FMNL3: variants seen among roughly 807,000 people sequenced by gnomAD.
FMNL3 encodes formin like 3, also known as formin-like protein 3.
FMNL3 carries 57 observed loss-of-function variants against 119.6 expected under a neutral mutation model. The observed-to-expected ratio is 0.48, with a 90% CI of 0.39 to 0.59. FMNL3 has a LOEUF of 0.59. Among genes scored for constraint, FMNL3 ranks in the 20% least tolerant of loss-of-function variants. The probability of loss-of-function intolerance (pLI) is 0.00; values close to 1 mark genes in which losing one functional copy is unlikely to be tolerated. For synonymous variants in FMNL3, 491 were observed against 507.3 expected, an observed-to-expected ratio of 0.97 and a Z score of 0.43; for missense variants, 1,053 against 1,323.5, an observed-to-expected ratio of 0.80 and a Z score of 3.17.
chr12:49,649,553 G>T lies in FMNL3; in HGVS notation c.2236-15C>A. On this transcript the variant is annotated splice_polypyrimidine_tract_variant and intron_variant, in intron 18 of 25. Transcript: ENST00000335154. This position sits in a 1 kb window ranked among gnomAD's most constrained non-coding sequence, Gnocchi z 5.6. ...GCATTGAGTTGCTGTAGGACAATAT[G>T]AACACTGAAGTAACCCCAGGCTGAG... The T allele has an allele frequency of 6.2e-7, 1 of 1,614,050 alleles. No homozygotes were observed. Among genetic ancestry groups the T allele is most frequent in the South Asian group, 1.1e-5 (1 of 90,960 alleles).
chr12:49,701,010 T>C (rs1592701910), intron 1 of FMNL3, among the ~76,000 whole-genome samples: 1 of 136,960 alleles, frequency 7.3e-6, no homozygotes, highest in Non-Finnish European at 1.5e-5. Flanking sequence ...ACCCAGGAGA[T>C]GGAGGTTGCA....
chr12:49,636,939 G>C lies in FMNL3; in HGVS notation c.*8876C>G. ...TTCCCTGCCCCCTTCTGGATACGCT[G>C]CCTGTTCTTTCTGTGCCTAGCCCTG... On this transcript the variant is annotated 3_prime_UTR_variant, in exon 26 of 26. Coordinates refer to ENST00000335154, the MANE Select transcript of FMNL3 (RefSeq NM_175736.5). 6.3e-7 allele frequency: 1 copy of C among 1,581,130 alleles called. No individual in the cohort carries two copies. The highest frequency in any genetic ancestry group is 2.2e-5 in the East Asian group (1 of 44,598).
intron 2 of FMNL3, 151 bp downstream of exon 2, chr12:49,668,320 C>T: frequency 1.4e-6 from 1 of 702,992 alleles, no homozygotes; most frequent in South Asian, 1.8e-5. Flanking sequence ...TATGAGAATC[C>T]TCTTGGAAAA....
chr12:49,655,026 C>T, intron 9 of FMNL3, 42 bp from the exon 10 acceptor site: 1 of 1,593,128 alleles, frequency 6.3e-7, no homozygotes, highest in Admixed American at 1.7e-5. Context: ...CTGCTCCATG[C>T]AGAACCCAAG....
rs562575357 is a variant in FMNL3 at position 49,653,101 on chromosome 12, T to C, written c.1323+125A>G. 228 of 868,540 alleles carry C rather than the reference T, an allele frequency of 2.6e-4. 3 individuals are homozygous for C. The South Asian group carries it at 3.4e-3, about 13-fold the overall frequency. The allele number at this position is 868,540 out of a possible 1,614,324, so 53.8% of individuals were successfully genotyped here. A position where few individuals can be genotyped will look rare whatever the true frequency, so the allele number is the denominator to read the frequency against. Reference sequence around the variant, plus strand: ...AATCATCAGCCCACCCACACCTGAGTACCTCAAGGGTGAATCAAGATCTAA... The same window carrying C: ...AATCATCAGCCCACCCACACCTGAGCACCTCAAGGGTGAATCAAGATCTAA... On this transcript the variant is annotated intron_variant, in intron 13 of 25. Coordinates refer to ENST00000335154, the MANE Select transcript of FMNL3 (RefSeq NM_175736.5).
rs1170783086 is a variant in FMNL3, at chr12:49,650,693, G to T, written c.1983C>A (p.Ile661=). ...AGCCTCACGTATGAATGGCCCTGCAGATCTCCTCAGCCGAGCGGCCAGCCT... is the reference window on the plus strand; with the variant it reads ...AGCCTCACGTATGAATGGCCCTGCATATCTCCTCAGCCGAGCGGCCAGCCT... ...LRKAGRSAEE[I]CRAIHTFDLQ... is the part of the protein sequence containing the mutation. The change falls in exon 17 of 26, where the codon ATC becomes ATA. Residue 661 remains isoleucine (I), a synonymous_variant. Transcript: ENST00000335154. 1.9e-6 allele frequency: 3 copies of T among 1,613,386 alleles called. No homozygotes were observed. Among genetic ancestry groups the T allele is most frequent in the Non-Finnish European group, 2.5e-6 (3 of 1,180,032 alleles).
Position 49,637,157 on chromosome 12 carries a change from T to G in FMNL3, c.*8658A>C. On this transcript the variant is annotated 3_prime_UTR_variant, in exon 26 of 26. Transcript: ENST00000335154. ...GGTGGGGCACCCGACAGGCAGAGTT[T>G]ATTCCCTCAGCTTGGGGGTGGCAGT... 1.7e-6 allele frequency: 1 copy of G among 574,076 alleles called. No individual in the cohort carries two copies. Among genetic ancestry groups the G allele is most frequent in the Non-Finnish European group, 3.1e-6 (1 of 322,998 alleles). The allele number at this position is 574,076 out of a possible 1,614,324, so 35.6% of individuals were successfully genotyped here.
intron 17 of FMNL3, 139 bp from the exon 18 acceptor site, chr12:49,650,064 C>T (rs1943347462): frequency 2.6e-5 from 18 of 681,684 alleles, no homozygotes; most frequent in Non-Finnish European, 4.5e-5. Flanking sequence ...CCCATTGCAT[C>T]ATCTGTCACA....
rs1942448904 is a variant in FMNL3 at position 49,640,345 on chromosome 12, C to A, written c.*5470G>T. ...TGAAGGATGAGATTGCGAGGGAGTA[C>A]AGATTGGGTAGTGAAAGAGGACTAA... On this transcript the variant is annotated 3_prime_UTR_variant, in exon 26 of 26. Coordinates refer to ENST00000335154, the MANE Select transcript of FMNL3 (RefSeq NM_175736.5). 6.6e-6 allele frequency: 1 copy of A among 152,146 alleles called. No individual in the cohort carries two copies. Among genetic ancestry groups the A allele is most frequent in the Non-Finnish European group, 1.5e-5 (1 of 68,040 alleles). 9.4% of individuals were successfully genotyped at this position (152,146 alleles called of 1,614,324 possible).
At position 49,638,160 on chromosome 12, in the gene FMNL3, G is replaced by C. The variant is rs1942103734; in HGVS notation, c.*7655C>G. ...GTGTACACGGGGTACTAAGAGCAAA[G>C]GCAAGGGGGTGGAAAGGGCATGCCA... On this transcript the variant is annotated 3_prime_UTR_variant, in exon 26 of 26. Transcript: ENST00000335154. The C allele has an allele frequency of 4.2e-6, 1 of 240,800 alleles. No individual in the cohort carries two copies. Among genetic ancestry groups the C allele is most frequent in the African/African-American group, 2.3e-5 (1 of 44,402 alleles). The allele number at this position is 240,800 out of a possible 1,614,324, so 14.9% of individuals were successfully genotyped here.
intron 9 of FMNL3, among the ~76,000 whole-genome samples, chr12:49,656,115 A>C (rs1162182584): frequency 1.3e-5 from 2 of 152,180 alleles, no homozygotes; most frequent in African/African-American, 4.8e-5. Context: ...ACTTTTAACA[A>C]GCTCCTTAGG....
chr12:49,696,760 T>C (rs1574326), intron 1 of FMNL3, among the ~76,000 whole-genome samples: 32,031 of 152,170 alleles, frequency 0.21, 5,581 homozygotes, highest in African/African-American at 0.49. Context: ...CTGAATATCT[T>C]CCTCTGAATG....
intron 5 of FMNL3, 124 bp from the exon 6 acceptor site, chr12:49,658,718 G>T: frequency 1.7e-6 from 2 of 1,184,566 alleles, no homozygotes; most frequent in East Asian, 2.7e-5. Context: ...AGCAGGGGTA[G>T]CAAGGAGAGA....
chr12:49,698,151 T>C (rs1944802831), intron 1 of FMNL3, among the ~76,000 whole-genome samples: 2 of 152,150 alleles, frequency 1.3e-5, no homozygotes, highest in South Asian at 4.1e-4. Context: ...ATATTCTCCA[T>C]TCTGAATTTG....
At chr12:49,687,095 C>T (rs11834380) in intron 1 of FMNL3, among the ~76,000 whole-genome samples, 2 of 110,126 alleles carry the variant, frequency 1.8e-5, no homozygotes, top group Non-Finnish European at 3.5e-5. Flanking sequence ...CTTCCCCATT[C>T]CTTTTTTTTT....
At chr12:49,658,636 A>G (rs1943646847) in intron 5 of FMNL3, 42 bp from the exon 6 acceptor site, 2 of 1,536,770 alleles carry the variant, frequency 1.3e-6, no homozygotes, top group East Asian at 4.7e-5. Flanking sequence ...ACAGGCACAT[A>G]CACAGGAGAA....
intron 1 of FMNL3, among the ~76,000 whole-genome samples, chr12:49,678,163 A>ATTTTATTTT (rs1944243240): frequency 8.2e-6 from 1 of 122,514 alleles, no homozygotes; most frequent in South Asian, 2.5e-4. Context: ...TGCCCGGCCT[A>ATTTTATTTT]TTTTATTTTT....
At position 49,649,200 on chromosome 12, in the gene FMNL3, C is replaced by G; in HGVS notation, c.2386-42G>C. On this transcript the variant is annotated intron_variant, in intron 20 of 25. Coordinates refer to ENST00000335154, the MANE Select transcript of FMNL3 (RefSeq NM_175736.5). This position sits in a 1 kb window ranked among gnomAD's most constrained non-coding sequence, Gnocchi z 5.6. ...GGGCGGTGCACAAGAGCTAAGCACT[C>G]TGGCTCCACAACTGCTGCCCCCCAG... The G allele has an allele frequency of 6.2e-7, 1 of 1,612,698 alleles. No individual in the cohort carries two copies. Among genetic ancestry groups the G allele is most frequent in the Non-Finnish European group, 8.5e-7 (1 of 1,179,234 alleles).
chr12:49,660,552 G>C (rs574345379), intron 5 of FMNL3, among the ~76,000 whole-genome samples: 6 of 152,294 alleles, frequency 3.9e-5, no homozygotes, highest in Admixed American at 3.9e-4. Flanking sequence ...GGATAACCTG[G>C]AAAAGGTGAG....
Sources: allele counts gnomAD v4.1 joint callset (sites outside exome capture counted in the v4.1 genomes callset), GRCh38; gene constraint gnomAD v4.1.1; non-coding constraint Gnocchi (gnomAD v3.1); transcripts MANE v1.5; gene names NCBI Gene and HGNC (gene_info 2026-07-23, HGNC 2026-07-21).